Variants in LRTM2 observed in about 807,000 individuals in gnomAD.
LRTM2 encodes the protein leucine-rich repeat and transmembrane domain-containing protein 2.
Under a neutral mutation model 28.1 loss-of-function variants are expected in LRTM2, and 18 were observed. That is an observed-to-expected ratio of 0.64 (90% CI 0.44 to 0.95). LRTM2 has a LOEUF of 0.95. Ranked by LOEUF, LRTM2 falls within the 40% of genes least tolerant of loss-of-function variation. The pLI is 0.00. For missense variants in LRTM2, 436 were observed against 497.2 expected (o/e 0.88, Z 1.17); for synonymous variants, 250 against 218.7 (o/e 1.14, Z -1.26).
At chr12:1,821,429 C>T (rs1864095490) in intron 1 of LRTM2, among the ~76,000 whole-genome samples, 1 of 152,210 alleles carries the variant, frequency 6.6e-6, no homozygotes, top group South Asian at 2.1e-4. Context: ...GTGCATGAAG[C>T]CTCCCTGGTG....
intron 1 of LRTM2, among the ~76,000 whole-genome samples, chr12:1,825,141 C>G (rs554295453): frequency 3.3e-4 from 50 of 152,340 alleles, no homozygotes; most frequent in Admixed American, 5.9e-4. Context: ...CCATTCGAGG[C>G]TGAAGATGGG....
intron 3 of LRTM2, among the ~76,000 whole-genome samples, chr12:1,830,102 A>T (rs181157428): frequency 3.4e-4 from 52 of 152,372 alleles, no homozygotes; most frequent in Admixed American, 3.3e-3. Flanking sequence ...GCCATTGTGC[A>T]GGAATGCTGC....
At position 1,835,274 on chromosome 12, in the gene LRTM2, A is replaced by T. The variant is rs1296749874; in HGVS notation, c.*553A>T. 2 of 153,998 alleles carry T rather than the reference A, an allele frequency of 1.3e-5. No homozygotes were observed. Among genetic ancestry groups the T allele is most frequent in the African/African-American group, 2.4e-5 (1 of 41,464 alleles). 9.5% of individuals were successfully genotyped at this position (153,998 alleles called of 1,614,324 possible). A position where few individuals can be genotyped will look rare whatever the true frequency, so the allele number is the denominator to read the frequency against. On this transcript the variant is annotated 3_prime_UTR_variant, in exon 5 of 5. Transcript: ENST00000299194. The stretch of plus-strand genomic sequence containing the variant: ...CACACCAGCCCTGCCATCTGGACCC[A>T]GCACTCAGAAACACCATACACCCCT...
At position 1,834,814 on chromosome 12, in the gene LRTM2, G is replaced by C; in HGVS notation, c.*93G>C. 1 of 1,451,142 alleles carries C rather than the reference G, an allele frequency of 6.9e-7. No individual in the cohort carries two copies. Among genetic ancestry groups the C allele is most frequent in the East Asian group, 2.4e-5 (1 of 40,842 alleles). 89.9% of individuals were successfully genotyped at this position (1,451,142 alleles called of 1,614,324 possible). A position where few individuals can be genotyped will look rare whatever the true frequency, so the allele number is the denominator to read the frequency against. On this transcript the variant is annotated 3_prime_UTR_variant, in exon 5 of 5. Transcript: ENST00000299194. This position sits in a 1 kb window ranked among gnomAD's most constrained non-coding sequence, Gnocchi z 7.6. Reference sequence around the variant, plus strand: ...CCACCTTGACCCGGCGCTGGCCACTGCCTCCCCGAGTCCACCCTCCTCCCC... The same window carrying C: ...CCACCTTGACCCGGCGCTGGCCACTCCCTCCCCGAGTCCACCCTCCTCCCC...
rs1592688537 is a variant in LRTM2, at chr12:1,829,484, C to T, written c.67+1269C>T. Among the ~76,000 whole-genome samples the T allele has an allele frequency of 6.6e-6, 1 of 151,970 alleles. No homozygotes were observed. Among genetic ancestry groups the T allele is most frequent in the South Asian group, 2.1e-4 (1 of 4,820 alleles). On this transcript the variant is annotated intron_variant, in intron 3 of 4. Coordinates refer to ENST00000299194, the MANE Select transcript of LRTM2 (RefSeq NM_001039029.3). The surrounding 1 kb of genome is among the most constrained non-coding windows in gnomAD (Gnocchi z 4.2). ...CATGGCTGTACCTGTGCTCACTTCT[C>T]GCCAAGAACAGTGAGGCTTGCTGTT...
chr12:1,830,823 G>A (rs1295855919), intron 3 of LRTM2, 112 bp from the exon 4 acceptor site: 2 of 869,870 alleles, frequency 2.3e-6, no homozygotes, highest in African/African-American at 1.7e-5. Flanking sequence ...TGTGGCTTGT[G>A]CCAAAGGAGA....
At position 1,833,723 on chromosome 12, in the gene LRTM2, G is replaced by A. The variant is rs144074012; in HGVS notation, c.659-544G>A. Among the ~76,000 whole-genome samples, 7 of 152,340 alleles carry A rather than the reference G, an allele frequency of 4.6e-5. No individual in the cohort carries two copies. The highest frequency in any genetic ancestry group is 2.6e-4 in the Admixed American group (4 of 15,298). ...TTCTTAGGCAACCAAAAGGTCTTGC[G>A]TGGAGGGGCAGCGGCAGGGGCAGTG... On this transcript the variant is annotated intron_variant, in intron 4 of 4. Coordinates refer to ENST00000299194, the MANE Select transcript of LRTM2 (RefSeq NM_001039029.3). The surrounding 1 kb of genome is among the most constrained non-coding windows in gnomAD (Gnocchi z 4.2).
intron 4 of LRTM2, 87 bp downstream of exon 4, chr12:1,831,612 C>A: frequency 8.4e-7 from 1 of 1,188,520 alleles, no homozygotes; most frequent in Non-Finnish European, 1.2e-6. Context: ...TGGGTGCTGA[C>A]TCAGAGAGCA....
chr12:1,825,541 T>C (rs1420106384), intron 1 of LRTM2, among the ~76,000 whole-genome samples: 1 of 152,232 alleles, frequency 6.6e-6, no homozygotes, highest in Non-Finnish European at 1.5e-5. Flanking sequence ...GGCATCTCAC[T>C]CAGCTGCCTG....
At chr12:1,822,624 G>A (rs1237890945) in intron 1 of LRTM2, among the ~76,000 whole-genome samples, 2 of 152,252 alleles carry the variant, frequency 1.3e-5, no homozygotes, top group African/African-American at 4.8e-5. Flanking sequence ...CAAGGAAACG[G>A]GGGTGCAGGA....
Position 1,834,430 on chromosome 12 carries a change from A to G in LRTM2, c.822A>G (p.Pro274=). The change falls in exon 5 of 5, where the codon CCA becomes CCG. Residue 274 remains proline (P), a synonymous_variant. Transcript: ENST00000299194. This position sits in a 1 kb window ranked among gnomAD's most constrained non-coding sequence, Gnocchi z 7.6. The part of the protein sequence containing the change: ...IPGPPCTKAS[P]EPAKPKPGAE... ...GGCCACCCTGCACCAAGGCCAGTCC[A>G]GAGCCTGCTAAGCCCAAGCCCGGGG... 1 of 1,612,858 alleles carries G rather than the reference A, an allele frequency of 6.2e-7. No individual in the cohort carries two copies. The highest frequency in any genetic ancestry group is 8.5e-7 in the Non-Finnish European group (1 of 1,179,996).
chr12:1,829,965 G>C lies in LRTM2; in HGVS notation c.68-970G>C, dbSNP rs1326251850. Reference sequence around the variant, plus strand: ...TGGAAAGGGCTGCTGCATAATGGAAGGCACTGCTCTGATGTGATTGTTCCC... The same window carrying C: ...TGGAAAGGGCTGCTGCATAATGGAACGCACTGCTCTGATGTGATTGTTCCC... On this transcript the variant is annotated intron_variant, in intron 3 of 4. Transcript: ENST00000299194. The surrounding 1 kb of genome is among the most constrained non-coding windows in gnomAD (Gnocchi z 4.2). 6.6e-6 allele frequency among the ~76,000 whole-genome samples: 1 copy of C among 152,204 alleles called. No individual in the cohort carries two copies. The highest frequency in any genetic ancestry group is 2.4e-5 in the African/African-American group (1 of 41,442).
Position 1,830,976 on chromosome 12 carries a change from C to T in LRTM2, c.109C>T (p.Pro37Ser). The T allele has an allele frequency of 6.2e-7, 1 of 1,613,330 alleles. No individual in the cohort carries two copies. Among genetic ancestry groups the T allele is most frequent in the South Asian group, 1.1e-5 (1 of 90,970 alleles). The part of the protein sequence containing the change: ...WIALYAVEAL[P>S]TCPFSCKCDS... ...CGCCCTGTATGCTGTGGAGGCCCTC[C>T]CCACCTGCCCTTTCTCCTGCAAGTG... The change falls in exon 4 of 5, where the codon CCC becomes TCC. Residue 37 changes from proline (P) to serine (S), a missense_variant. Coordinates refer to ENST00000299194, the MANE Select transcript of LRTM2 (RefSeq NM_001039029.3).
chr12:1,824,228 C>T (rs905837711), intron 1 of LRTM2, among the ~76,000 whole-genome samples: 11 of 152,154 alleles, frequency 7.2e-5, no homozygotes, highest in African/African-American at 2.2e-4. Context: ...CCGGCCTAGT[C>T]GTATCAAACT....
intron 1 of LRTM2, among the ~76,000 whole-genome samples, chr12:1,823,796 T>C (rs968974956): frequency 1.4e-4 from 21 of 152,192 alleles, no homozygotes; most frequent in Non-Finnish European, 2.9e-4. Flanking sequence ...AACAGCTGCC[T>C]TCTCAGCTCC....
intron 1 of LRTM2, among the ~76,000 whole-genome samples, 168 bp from the exon 2 acceptor site, chr12:1,827,242 C>T (rs1864375009): frequency 1.3e-5 from 2 of 152,076 alleles, no homozygotes; most frequent in Non-Finnish European, 2.9e-5. Context: ...GTGGAGACCC[C>T]AGCACACAGC....
At position 1,828,712 on chromosome 12, in the gene LRTM2, G is replaced by A. The variant is rs80037032; in HGVS notation, c.67+497G>A. 0.03 allele frequency among the ~76,000 whole-genome samples: 4,511 copies of A among 152,322 alleles called. 78 individuals carry two copies. Among genetic ancestry groups the A allele is most frequent in the Middle Eastern group, 0.061 (18 of 294 alleles). On this transcript the variant is annotated intron_variant, in intron 3 of 4. Transcript: ENST00000299194. This position sits in a 1 kb window ranked among gnomAD's most constrained non-coding sequence, Gnocchi z 4.2. ...TTATGCCTCCGCTTTCCCAACTCTC[G>A]GTAGAGGACCTAGTGGGCTCGTGGG...
In LRTM2 at chr12:1,828,745, G is replaced by A. The variant is rs529678086; in HGVS notation, c.67+530G>A. Among the ~76,000 whole-genome samples, 42 of 152,344 alleles carry A rather than the reference G, an allele frequency of 2.8e-4. No homozygotes were observed. In the East Asian group the frequency reaches 2.9e-3, roughly 11 times the overall value. On this transcript the variant is annotated intron_variant, in intron 3 of 4. Coordinates refer to ENST00000299194, the MANE Select transcript of LRTM2 (RefSeq NM_001039029.3). This position sits in a 1 kb window ranked among gnomAD's most constrained non-coding sequence, Gnocchi z 4.2. The stretch of plus-strand genomic sequence containing the variant: ...ACCTAGTGGGCTCGTGGGATGCGGC[G>A]CTGGAAGAGACTTTGGGGAGTGGGT...
chr12:1,824,631 C>G (rs544031750), intron 1 of LRTM2, among the ~76,000 whole-genome samples: 138 of 152,224 alleles, frequency 9.1e-4, no homozygotes, highest in Non-Finnish European at 1.6e-3. Flanking sequence ...ATGCTGCACC[C>G]TGGGTAGGGA....
Sources: gnomAD v4.1 joint callset for allele counts (sites outside exome capture counted in the v4.1 genomes callset) on GRCh38, gnomAD v4.1.1 for gene constraint, Gnocchi (gnomAD v3.1) non-coding constraint, MANE v1.5 for transcripts, NCBI Gene and HGNC (gene_info 2026-07-23, HGNC 2026-07-21) for gene names.